ANKRD30BL: variants seen among roughly 807,000 people sequenced by gnomAD.
The protein encoded by ANKRD30BL is putative ankyrin repeat domain-containing protein 30B-like.
A neutral mutation model predicts 18.4 loss-of-function variants in ANKRD30BL; 20 were observed. The observed-to-expected ratio is 1.09, with a 90% confidence interval of 0.77 to 1.58. The LOEUF (loss-of-function observed/expected upper bound fraction) is 1.58, where lower values mean the gene tolerates loss of function less well. Among genes scored for constraint, ANKRD30BL ranks in the 40% most tolerant of loss-of-function variants. ANKRD30BL has a pLI of 0.00. For synonymous variants in ANKRD30BL, 72 were observed against 100.9 expected, an observed-to-expected ratio of 0.71 and a Z score of 1.72; for missense variants, 224 against 268.6, an observed-to-expected ratio of 0.83 and a Z score of 1.16.
chr2:132,208,927 C>T (rs1679264205), intron 1 of ANKRD30BL, among the ~76,000 whole-genome samples: 1 of 151,782 alleles, frequency 6.6e-6, no homozygotes, highest in South Asian at 2.1e-4. Context: ...TTTGATTTAG[C>T]ACTTTTGAAA....
chr2:132,200,766 A>C (rs1324560688), intron 1 of ANKRD30BL, among the ~76,000 whole-genome samples: 40 of 152,170 alleles, frequency 2.6e-4, no homozygotes, highest in African/African-American at 8.4e-4. Context: ...GCTACCAATG[A>C]CTTTCTTCAC....
intron 1 of ANKRD30BL, among the ~76,000 whole-genome samples, chr2:132,208,711 C>T (rs200790810): frequency 6.6e-6 from 1 of 151,478 alleles, no homozygotes; most frequent in Non-Finnish European, 1.5e-5. Flanking sequence ...AAGGAGACTA[C>T]ATCTGGATTT....
At chr2:132,160,613 T>C (rs1168689842) in intron 1 of ANKRD30BL, among the ~76,000 whole-genome samples, 1 of 150,688 alleles carries the variant, frequency 6.6e-6, no homozygotes, top group Non-Finnish European at 1.5e-5. Context: ...TAATTTTTTG[T>C]ATTTTTAGTA....
intron 1 of ANKRD30BL, among the ~76,000 whole-genome samples, chr2:132,157,919 G>T (rs1408921065): frequency 1.3e-5 from 2 of 152,098 alleles, no homozygotes; most frequent in Non-Finnish European, 2.9e-5. Context: ...CTAATTTGTG[G>T]TATGTTTTAA....
chr2:132,243,898 A>T (rs1255340169), intron 1 of ANKRD30BL, among the ~76,000 whole-genome samples: 2 of 152,242 alleles, frequency 1.3e-5, no homozygotes, highest in Non-Finnish European at 2.9e-5. Context: ...ATGAAAAAGG[A>T]GATATCTTCC....
At chr2:132,172,402 T>A (rs1688298013) in intron 1 of ANKRD30BL, among the ~76,000 whole-genome samples, 1 of 152,210 alleles carries the variant, frequency 6.6e-6, no homozygotes, top group Non-Finnish European at 1.5e-5. Flanking sequence ...CTGGGGTTTC[T>A]TTTCTGTAAT....
chr2:132,209,638 G>C (rs1207411773), intron 1 of ANKRD30BL, among the ~76,000 whole-genome samples: 1 of 152,030 alleles, frequency 6.6e-6, no homozygotes, highest in African/African-American at 2.4e-5. Context: ...GGATCTGCAT[G>C]TGGATATTTG....
At chr2:132,190,639 C>T (rs1678826830) in intron 1 of ANKRD30BL, among the ~76,000 whole-genome samples, 1 of 152,004 alleles carries the variant, frequency 6.6e-6, no homozygotes. Context: ...ATTTCAGAGG[C>T]ATGTATGCAA....
chr2:132,182,151 GA>G (rs1225548972), intron 1 of ANKRD30BL, among the ~76,000 whole-genome samples: 1 of 151,546 alleles, frequency 6.6e-6, no homozygotes, highest in Non-Finnish European at 1.5e-5. Context: ...AAAAAAATAA[GA>G]ATTAGGAAGA....
intron 1 of ANKRD30BL, among the ~76,000 whole-genome samples, chr2:132,242,558 C>T (rs1345983457): frequency 6.6e-6 from 1 of 151,664 alleles, no homozygotes; most frequent in African/African-American, 2.4e-5. Context: ...AAAAACTAGA[C>T]AGAAGAATTC....
At chr2:132,226,948 G>T (rs62166087) in intron 1 of ANKRD30BL, among the ~76,000 whole-genome samples, 1 of 151,414 alleles carries the variant, frequency 6.6e-6, no homozygotes, top group Non-Finnish European at 1.5e-5. Flanking sequence ...CCTTTGTTTT[G>T]ATAGAGCAGG....
At chr2:132,165,417 G>C (rs1474691872), upstream of ANKRD30BL, among the ~76,000 whole-genome samples, 3 of 152,006 alleles carry the variant, frequency 2.0e-5, no homozygotes, top group African/African-American at 7.2e-5. Context: ...TTTGCAGCCA[G>C]GCGCGGTGGC....
chr2:132,251,023 C>A (rs74764475), intron 1 of ANKRD30BL, among the ~76,000 whole-genome samples: 4 of 152,090 alleles, frequency 2.6e-5, no homozygotes, highest in Non-Finnish European at 5.9e-5. Context: ...AGCTGTGCTG[C>A]GAGTGGACAG....
intron 1 of ANKRD30BL, among the ~76,000 whole-genome samples, chr2:132,217,896 G>T (rs576600003): frequency 6.6e-6 from 1 of 151,816 alleles, no homozygotes; most frequent in Non-Finnish European, 1.5e-5. Context: ...TGTAGAATCT[G>T]CATGTGGATA....
intron 5 of ANKRD30BL, among the ~76,000 whole-genome samples, chr2:132,150,268 A>AAATAATTTATTTGTTAAATAAATATTT: frequency 6.6e-6 from 1 of 152,044 alleles, no homozygotes; most frequent in East Asian, 1.9e-4. Flanking sequence ...ATTAACAAAT[A>AAATAATTTATTTGTTAAATAAATATTT]AACATTTTAT....
At chr2:132,220,298 C>T (rs1181894066) in intron 1 of ANKRD30BL, among the ~76,000 whole-genome samples, 1 of 142,602 alleles carries the variant, frequency 7.0e-6, no homozygotes, top group African/African-American at 2.6e-5. Flanking sequence ...CTCTCCCTCT[C>T]CCTGTCCCTC....
At chr2:132,246,272 AGGTGTAC>A (rs1680497248) in intron 1 of ANKRD30BL, among the ~76,000 whole-genome samples, 1 of 151,790 alleles carries the variant, frequency 6.6e-6, no homozygotes, top group Non-Finnish European at 1.5e-5. Context: ...GAGCGCTTTG[AGGTGTAC>A]GGTGAAAAAG....
At chr2:132,234,433 C>G (rs1294193753) in intron 1 of ANKRD30BL, among the ~76,000 whole-genome samples, 1 of 151,932 alleles carries the variant, frequency 6.6e-6, no homozygotes, top group African/African-American at 2.4e-5. Flanking sequence ...AATTGATAGA[C>G]AGCTAGCAAG....
chr2:132,242,476 T>C (rs1403454945), intron 1 of ANKRD30BL, among the ~76,000 whole-genome samples: 1 of 151,834 alleles, frequency 6.6e-6, no homozygotes, highest in Admixed American at 6.6e-5. Flanking sequence ...GAAACACTGA[T>C]TTTGTAATAT....
Sources: gnomAD v4.1 joint callset for allele counts (sites outside exome capture counted in the v4.1 genomes callset) on GRCh38, gnomAD v4.1.1 for gene constraint, MANE v1.5 for transcripts, NCBI Gene and HGNC (gene_info 2026-07-23, HGNC 2026-07-21) for gene names.